Variants in AP3S2 observed in about 807,000 individuals in gnomAD.
The protein encoded by AP3S2 is adaptor related protein complex 3 subunit sigma 2.
Under a neutral mutation model 23.4 loss-of-function variants are expected in AP3S2, and 22 were observed. That is an observed-to-expected ratio of 0.94 (90% confidence interval 0.67 to 1.34). AP3S2 has a LOEUF of 1.34. Ranked by LOEUF, AP3S2 falls within the 40% of genes most tolerant of loss-of-function variation. The pLI is 0.00. For synonymous variants in AP3S2, 86 were observed against 87.1 expected (o/e 0.99, Z 0.07); for missense variants, 241 against 236.9 (o/e 1.02, Z -0.11).
intron 1 of AP3S2, chr15:89,892,975 A>G (rs1896854212): frequency 6.6e-6 from 1 of 152,190 alleles, no homozygotes; most frequent in South Asian, 2.1e-4. Flanking sequence ...GAATACTCAT[A>G]TTTTTACCTC....
In AP3S2 at chr15:89,830,862, C is replaced by A. The variant is rs1895063373; in HGVS notation, c.*4653G>T. ...AGGCCCTCCTCCCTGGAGAGGGCGGCATGATCCTAGTGGGCCGAGGTCAAC... is the reference window on the plus strand; with the variant it reads ...AGGCCCTCCTCCCTGGAGAGGGCGGAATGATCCTAGTGGGCCGAGGTCAAC... On this transcript the variant is annotated 3_prime_UTR_variant, in exon 6 of 6. Coordinates refer to ENST00000336418, the MANE Select transcript of AP3S2 (RefSeq NM_005829.5). The A allele has an allele frequency of 6.6e-6, 1 of 152,286 alleles. No individual in the cohort carries two copies. The highest frequency in any genetic ancestry group is 1.5e-5 in the Non-Finnish European group (1 of 68,108). 9.4% of individuals were successfully genotyped at this position (152,286 alleles called of 1,614,324 possible). A position where few individuals can be genotyped will look rare whatever the true frequency, so the allele number is the denominator to read the frequency against.
chr15:89,882,239 T>TA (rs1443878877), intron 3 of AP3S2, among the ~76,000 whole-genome samples: 1 of 152,122 alleles, frequency 6.6e-6, no homozygotes, highest in Non-Finnish European at 1.5e-5. Flanking sequence ...CATAAAGACT[T>TA]AGAGTAGTTT....
chr15:89,888,545 T>A lies in AP3S2; in HGVS notation c.249A>T (p.Glu83Asp). ...FVFCVDSSESELGILDLIQVF... is the reference protein window; with the variant it reads ...FVFCVDSSESDLGILDLIQVF... Reference sequence around the variant, plus strand: ...CCTGGATGAGGTCCAAGATTCCAAGTTCACTCTCTGAGGAATCCACACAAA... The same window carrying A: ...CCTGGATGAGGTCCAAGATTCCAAGATCACTCTCTGAGGAATCCACACAAA... Residue 83 changes from glutamate (E) to aspartate (D), a missense_variant, in exon 3 of 6, where the codon GAA becomes GAT. Transcript: ENST00000336418. The A allele has an allele frequency of 6.2e-7, 1 of 1,614,192 alleles. No homozygotes were observed. Among genetic ancestry groups the A allele is most frequent in the Non-Finnish European group, 8.5e-7 (1 of 1,180,016 alleles).
chr15:89,888,861 C>A (rs1896756594), intron 2 of AP3S2, among the ~76,000 whole-genome samples, 188 bp downstream of exon 2: 2 of 152,154 alleles, frequency 1.3e-5, no homozygotes, highest in African/African-American at 4.8e-5. Context: ...TCTAAATGAG[C>A]AATATCAGAA....
chr15:89,881,018 G>A (rs1049064983), intron 3 of AP3S2, among the ~76,000 whole-genome samples: 4 of 152,232 alleles, frequency 2.6e-5, no homozygotes, highest in African/African-American at 9.6e-5. Flanking sequence ...AGAGTGCTAA[G>A]AAAGTTTGTC....
chr15:89,843,220 G>T (rs1182204865), intron 4 of AP3S2, among the ~76,000 whole-genome samples: 1 of 151,786 alleles, frequency 6.6e-6, no homozygotes, highest in Non-Finnish European at 1.5e-5. Context: ...CCAAACTCAG[G>T]TGATCCGTCC....
chr15:89,877,230 C>T (rs1896463176), intron 3 of AP3S2: 1 of 920,404 alleles, frequency 1.1e-6, no homozygotes, highest in Non-Finnish European at 1.6e-6. Flanking sequence ...GATCACAGAC[C>T]CACACATAAA....
At chr15:89,885,067 T>A (rs1896664033) in intron 3 of AP3S2, among the ~76,000 whole-genome samples, 1 of 152,252 alleles carries the variant, frequency 6.6e-6, no homozygotes, top group Non-Finnish European at 1.5e-5. Context: ...ATCCAGGTTT[T>A]AATGTACTTC....
intron 3 of AP3S2, among the ~76,000 whole-genome samples, chr15:89,879,136 C>T (rs958118356): frequency 6.6e-6 from 1 of 152,248 alleles, no homozygotes; most frequent in Non-Finnish European, 1.5e-5. Context: ...GCTTTGGCCT[C>T]CCAAAGTATT....
chr15:89,847,550 G>A (rs186075717), intron 4 of AP3S2, among the ~76,000 whole-genome samples: 2 of 152,240 alleles, frequency 1.3e-5, no homozygotes, highest in Admixed American at 1.3e-4. Flanking sequence ...ACAACCCTCC[G>A]GAAGGACAGA....
At chr15:89,849,177 C>T (rs572275565) in intron 4 of AP3S2, among the ~76,000 whole-genome samples, 12 of 152,142 alleles carry the variant, frequency 7.9e-5, no homozygotes, top group Non-Finnish European at 1.8e-4. Flanking sequence ...GAAAAGTTGA[C>T]TTCTAGCTAG....
At chr15:89,859,337 TTTCCTTCCTTCCTTCTTTCCTTCCTTTCC>T (rs1895949134) in intron 4 of AP3S2, among the ~76,000 whole-genome samples, 1 of 148,452 alleles carries the variant, frequency 6.7e-6, no homozygotes, top group African/African-American at 2.5e-5. Context: ...TTTTCCTTCC[TTTCCTTCCTTCCTTCTTTCCTTCCTTTCC>T]TTCCTTCCTT....
intron 4 of AP3S2, among the ~76,000 whole-genome samples, chr15:89,866,704 C>T (rs947621293): frequency 2.0e-5 from 3 of 151,952 alleles, no homozygotes; most frequent in East Asian, 1.9e-4. Flanking sequence ...AGGCTGGTCT[C>T]GAACTCCCGA....
intron 4 of AP3S2, among the ~76,000 whole-genome samples, chr15:89,853,206 A>G (rs569288622): frequency 6.6e-6 from 1 of 152,334 alleles, no homozygotes; most frequent in Non-Finnish European, 1.5e-5. Context: ...TAAATATATC[A>G]TTAGGAAGGT....
chr15:89,872,005 G>T (rs1896330738), intron 3 of AP3S2, among the ~76,000 whole-genome samples: 1 of 151,792 alleles, frequency 6.6e-6, no homozygotes, highest in Non-Finnish European at 1.5e-5. Flanking sequence ...CCAGCTACTT[G>T]GGAGGCTGAG....
intron 4 of AP3S2, among the ~76,000 whole-genome samples, chr15:89,869,188 A>T (rs1228743534): frequency 6.6e-6 from 1 of 150,930 alleles, no homozygotes; most frequent in African/African-American, 2.4e-5. Flanking sequence ...GTGTAGAAAG[A>T]AGTAGACATG....
intron 3 of AP3S2, among the ~76,000 whole-genome samples, chr15:89,872,688 C>T (rs1037394580): frequency 7.2e-5 from 11 of 152,198 alleles, no homozygotes; most frequent in African/African-American, 2.7e-4. Flanking sequence ...TGCTCATAGG[C>T]AAACCACCCT....
chr15:89,869,214 T>C (rs1896252660), intron 4 of AP3S2, among the ~76,000 whole-genome samples: 1 of 149,154 alleles, frequency 6.7e-6, no homozygotes, highest in East Asian at 2.0e-4. Flanking sequence ...CTTTTCATTT[T>C]GTTCTGCACT....
At chr15:89,837,816 A>T in intron 4 of AP3S2, 94 bp from the exon 5 acceptor site, 7 of 1,455,196 alleles carry the variant, frequency 4.8e-6, no homozygotes, top group Non-Finnish European at 6.6e-6. Context: ...CAGAGTGGTC[A>T]GATATGACCT....
Sources: allele counts gnomAD v4.1 joint callset (sites outside exome capture counted in the v4.1 genomes callset), GRCh38; gene constraint gnomAD v4.1.1; transcripts MANE v1.5; gene names NCBI Gene and HGNC (gene_info 2026-07-23, HGNC 2026-07-21).